ESF1: variants seen among roughly 807,000 people sequenced by gnomAD.
ESF1 encodes ESF1 nucleolar pre-rRNA processing protein.
Under a neutral mutation model 92.0 loss-of-function variants are expected in ESF1, and 58 were observed. The ratio of observed to expected loss-of-function variants is 0.63; its 90% confidence interval spans 0.51 to 0.78. ESF1 has a LOEUF of 0.78. ESF1 is among the 30% of genes least tolerant of loss of function. The pLI, the probability that ESF1 is intolerant of heterozygous loss-of-function variation, is 0.00. For synonymous variants in ESF1, 321 were observed against 313.7 expected, an observed-to-expected ratio of 1.02 and a Z score of -0.24; for missense variants, 922 against 989.1, an observed-to-expected ratio of 0.93 and a Z score of 0.91.
At chr20:13,739,760 A>C (rs1479845458) in intron 9 of ESF1, among the ~76,000 whole-genome samples, 4 of 152,050 alleles carry the variant, frequency 2.6e-5, no homozygotes, top group Non-Finnish European at 4.4e-5. Flanking sequence ...GGAAATATCA[A>C]ACTAGATTAG....
At chr20:13,728,320 T>A in intron 11 of ESF1, 58 bp downstream of exon 11, 1 of 1,329,514 alleles carries the variant, frequency 7.5e-7, no homozygotes, top group Non-Finnish European at 1.1e-6. Context: ...ATTGCTTCCA[T>A]GTACCTCACC....
In ESF1 at chr20:13,771,368, G is replaced by A; in HGVS notation, c.1366C>T (p.Leu456=). Residue 456 remains leucine (L), a synonymous_variant, in exon 6 of 14, where the codon CTG becomes TTG. Coordinates refer to ENST00000617257, the MANE Select transcript of ESF1 (RefSeq NM_001276380.2). ...AAAGAACAACTACTTTCAAATTCCA[G>A]GCCATCACAATCCTCATAAATTTTA... ...ASKIYEDCDG[L]EFESSCSFID... 6.2e-7 allele frequency: 1 copy of A among 1,612,318 alleles called. No individual in the cohort carries two copies. The highest frequency in any genetic ancestry group is 8.5e-7 in the Non-Finnish European group (1 of 1,179,634).
At chr20:13,745,263 G>A (rs1258778890) in intron 9 of ESF1, among the ~76,000 whole-genome samples, 2 of 152,070 alleles carry the variant, frequency 1.3e-5, no homozygotes, top group East Asian at 1.9e-4. Flanking sequence ...AATTCCATGC[G>A]TATCTTCGTG....
chr20:13,736,930 C>T (rs963052519), intron 9 of ESF1, among the ~76,000 whole-genome samples: 1 of 152,122 alleles, frequency 6.6e-6, no homozygotes, highest in Non-Finnish European at 1.5e-5. Flanking sequence ...TCACACACCA[C>T]CATGATAACT....
intron 3 of ESF1, 132 bp from the exon 4 acceptor site, chr20:13,775,402 T>C: frequency 3.7e-6 from 2 of 538,314 alleles, no homozygotes; most frequent in Non-Finnish European, 6.3e-6. Context: ...TATCTAAGCG[T>C]AATTCAGTAT....
intron 11 of ESF1, among the ~76,000 whole-genome samples, chr20:13,723,958 A>G (rs1434881970): frequency 2.0e-5 from 3 of 152,244 alleles, no homozygotes; most frequent in African/African-American, 4.8e-5. Flanking sequence ...AAATTAATAT[A>G]CCAATGTAGG....
At position 13,782,925 on chromosome 20, in the gene ESF1, G is replaced by T. The variant is rs773314802; in HGVS notation, c.216C>A (p.Tyr72Ter). The T allele has an allele frequency of 6.2e-7, 1 of 1,614,048 alleles. No individual in the cohort carries two copies. The highest frequency in any genetic ancestry group is 1.3e-5 in the African/African-American group (1 of 74,990). Reference protein sequence around the residue: ...HSTTEDLKRFYDLSDSDSNLS... With the variant: ...HSTTEDLKRF ...GATTGGAATCAGAATCTGAAAGGTCGTAAAAACGCTTCAAATCCTCTGTAG... is the reference window on the plus strand; with the variant it reads ...GATTGGAATCAGAATCTGAAAGGTCTTAAAAACGCTTCAAATCCTCTGTAG... The change falls in exon 2 of 14, where the codon TAC (tyrosine) becomes TAA (stop). Residue 72 changes from tyrosine (Y) to a stop codon, truncating the protein, a stop_gained. Coordinates refer to ENST00000617257, the MANE Select transcript of ESF1 (RefSeq NM_001276380.2). LOFTEE classifies it high-confidence loss of function.
intron 10 of ESF1, among the ~76,000 whole-genome samples, chr20:13,732,745 CT>C (rs2049951645): frequency 6.6e-6 from 1 of 152,108 alleles, no homozygotes; most frequent in South Asian, 2.1e-4. Flanking sequence ...TTCCAGAATG[CT>C]GCATTTCAGT....
chr20:13,726,199 C>T (rs1180161530), intron 11 of ESF1, among the ~76,000 whole-genome samples: 1 of 152,112 alleles, frequency 6.6e-6, no homozygotes, highest in Non-Finnish European at 1.5e-5. Flanking sequence ...TTAATCTATA[C>T]CAGATTATGT....
intron 4 of ESF1, among the ~76,000 whole-genome samples, chr20:13,774,065 AGCCTGG>A: frequency 6.6e-6 from 1 of 152,196 alleles, no homozygotes; most frequent in South Asian, 2.1e-4. Context: ...ACTGCACTCC[AGCCTGG>A]GCGACAGAGC....
At chr20:13,730,916 C>G (rs1477333620) in intron 10 of ESF1, among the ~76,000 whole-genome samples, 3 of 151,656 alleles carry the variant, frequency 2.0e-5, no homozygotes, top group Non-Finnish European at 4.4e-5. Flanking sequence ...CACTGAGGAA[C>G]AAATGGGCAA....
At chr20:13,737,574 C>G (rs947547839) in intron 9 of ESF1, among the ~76,000 whole-genome samples, 1 of 152,204 alleles carries the variant, frequency 6.6e-6, no homozygotes, top group Admixed American at 6.5e-5. Context: ...CTCTGTAACA[C>G]TCAATTCCAA....
Position 13,714,719 on chromosome 20 carries a change from G to C in ESF1, c.*155C>G, listed in dbSNP as rs954175032. 1.5e-6 allele frequency: 1 copy of C among 681,652 alleles called. No homozygotes were observed. Among genetic ancestry groups the C allele is most frequent in the African/African-American group, 1.8e-5 (1 of 55,604 alleles). The allele number at this position is 681,652 out of a possible 1,614,324, so 42.2% of individuals were successfully genotyped here. Reference sequence around the variant, plus strand: ...AAATTTGTCAGTCATCCACAATTAAGTACAATTATTTATGGAGAAAAATTT... The same window carrying C: ...AAATTTGTCAGTCATCCACAATTAACTACAATTATTTATGGAGAAAAATTT... On this transcript the variant is annotated 3_prime_UTR_variant, in exon 14 of 14. Transcript: ENST00000617257.
rs749138334 is a variant in ESF1 at position 13,772,414 on chromosome 20, A to C, written c.1250+101T>G. ...GCAACCTGTTTTAACCACGAATGGC[A>C]CAAGTATAAACTTTAGTTTTAACTA... On this transcript the variant is annotated intron_variant, in intron 5 of 13. Transcript: ENST00000617257. 4.2e-5 allele frequency: 35 copies of C among 836,866 alleles called. 1 individual carries two copies. Among genetic ancestry groups the C allele is most frequent in the Non-Finnish European group, 6.3e-5 (32 of 511,712 alleles). The allele number at this position is 836,866 out of a possible 1,614,324, so 51.8% of individuals were successfully genotyped here.
chr20:13,758,371 A>G (rs1280432039), intron 9 of ESF1, among the ~76,000 whole-genome samples: 1 of 152,156 alleles, frequency 6.6e-6, no homozygotes. Flanking sequence ...TCTTACCACC[A>G]CTTCCTGCAA....
At chr20:13,783,906 C>T (rs1290558388) in intron 1 of ESF1, among the ~76,000 whole-genome samples, 1 of 152,224 alleles carries the variant, frequency 6.6e-6, no homozygotes, top group Admixed American at 6.5e-5. Context: ...TCCTTATCTC[C>T]GGCTACTGCC....
Position 13,784,867 on chromosome 20 carries a change from C to T in ESF1, c.-44+13G>A, listed in dbSNP as rs1980610644. 5.0e-6 allele frequency: 3 copies of T among 601,732 alleles called. No homozygotes were observed. Among genetic ancestry groups the T allele is most frequent in the Admixed American group, 2.9e-5 (1 of 34,118 alleles). The allele number at this position is 601,732 out of a possible 1,614,324, so 37.3% of individuals were successfully genotyped here. The stretch of plus-strand genomic sequence containing the variant: ...CATCTCGAGCTCTTCAACTCCAGTC[C>T]ATCCCCACTCACCGTCCGCAGTCCT... On this transcript the variant is annotated intron_variant, in intron 1 of 13. Coordinates refer to ENST00000617257, the MANE Select transcript of ESF1 (RefSeq NM_001276380.2).
chr20:13,781,652 A>G (rs1980195006), intron 2 of ESF1, among the ~76,000 whole-genome samples: 1 of 152,132 alleles, frequency 6.6e-6, no homozygotes. Flanking sequence ...CTCTTCACCA[A>G]AGTGTGACCC....
chr20:13,743,887 A>G (rs747882847), intron 9 of ESF1, among the ~76,000 whole-genome samples: 9 of 152,368 alleles, frequency 5.9e-5, no homozygotes, highest in Non-Finnish European at 1.3e-4. Flanking sequence ...TATAGCTTAA[A>G]TATATTCAAT....
Sources: gnomAD v4.1 joint callset for allele counts (sites outside exome capture counted in the v4.1 genomes callset) on GRCh38, gnomAD v4.1.1 for gene constraint, MANE v1.5 for transcripts, NCBI Gene and HGNC (gene_info 2026-07-23, HGNC 2026-07-21) for gene names.